The following PPP2R1A variants were observed in gnomAD, a reference collection of about 807,000 sequenced individuals.
The protein encoded by PPP2R1A is protein phosphatase 2 scaffold subunit Aalpha, also known as serine/threonine-protein phosphatase 2A 65 kDa regulatory subunit A alpha isoform.
PPP2R1A carries 15 observed loss-of-function variants against 67.1 expected under a neutral mutation model. The observed-to-expected ratio is 0.22, with a 90% CI of 0.15 to 0.34. PPP2R1A has a LOEUF of 0.34. PPP2R1A is among the 10% of genes least tolerant of loss of function. PPP2R1A has a pLI of 1.00. For synonymous variants in PPP2R1A, 337 were observed against 325.0 expected, an observed-to-expected ratio of 1.04 and a Z score of -0.40; for missense variants, 369 against 775.0, an observed-to-expected ratio of 0.48 and a Z score of 6.22.
At chr19:52,193,177 T>A (rs2089469881) in intron 1 of PPP2R1A, among the ~76,000 whole-genome samples, 1 of 152,140 alleles carries the variant, frequency 6.6e-6, no homozygotes, top group South Asian at 2.1e-4. Flanking sequence ...ATAAATAACA[T>A]GGCCAAAGCT....
rs370080794 is a variant in PPP2R1A, at chr19:52,213,342, G to A, written c.807+232G>A. On this transcript the variant is annotated intron_variant, in intron 6 of 14. Transcript: ENST00000322088. This position sits in a 1 kb window ranked among gnomAD's most constrained non-coding sequence, Gnocchi z 4.2. ...GATTCTGAGGCAAAGTTAAGGCTAC[G>A]TGGAGGAAAGTGCCACAGGAGCAGA... Among the ~76,000 whole-genome samples the A allele has an allele frequency of 6.6e-6, 1 of 151,962 alleles. No homozygotes were observed. The highest frequency in any genetic ancestry group is 2.4e-5 in the African/African-American group (1 of 41,352).
chr19:52,220,084 T>C (rs746086905), intron 10 of PPP2R1A, 105 bp from the exon 11 acceptor site: 20 of 1,341,932 alleles, frequency 1.5e-5, no homozygotes, highest in Non-Finnish European at 2.0e-5. Context: ...TTGAGAAGTG[T>C]CCGGTCTTTC....
Position 52,228,101 on chromosome 19 carries a change from C to CT in PPP2R1A, c.*2121dup, listed in dbSNP as rs1166330171. The CT allele has an allele frequency of 1.3e-5, 2 of 152,176 alleles. No individual in the cohort carries two copies. Among genetic ancestry groups the CT allele is most frequent in the African/African-American group, 4.8e-5 (2 of 41,412 alleles). 9.4% of individuals were successfully genotyped at this position (152,176 alleles called of 1,614,324 possible). A position where few individuals can be genotyped will look rare whatever the true frequency, so the allele number is the denominator to read the frequency against. ...ACGTGGGTCTAGGGCTGAGGATGTGCTATGGCTCAGAGGTGGGGTCTACAA... is the reference window on the plus strand; with the variant it reads ...ACGTGGGTCTAGGGCTGAGGATGTGCTTATGGCTCAGAGGTGGGGTCTACAA... On this transcript the variant is annotated 3_prime_UTR_variant, in exon 15 of 15. Transcript: ENST00000322088.
chr19:52,228,382 G>A lies in PPP2R1A; in HGVS notation c.*2401G>A, dbSNP rs1421947411. On this transcript the variant is annotated 3_prime_UTR_variant, in exon 15 of 15. Transcript: ENST00000322088. The stretch of plus-strand genomic sequence containing the variant: ...TCTTGGGTCATGTGCTCTAGAAGCA[G>A]AGCCCGAGTGGAGACTCGTTCAAGT... 1 of 152,248 alleles carries A rather than the reference G, an allele frequency of 6.6e-6. No individual in the cohort carries two copies. The highest frequency in any genetic ancestry group is 6.5e-5 in the Admixed American group (1 of 15,288). 9.4% of individuals were successfully genotyped at this position (152,248 alleles called of 1,614,324 possible).
chr19:52,226,149 C>T lies in PPP2R1A; in HGVS notation c.*168C>T. On this transcript the variant is annotated 3_prime_UTR_variant, in exon 15 of 15. Coordinates refer to ENST00000322088, the MANE Select transcript of PPP2R1A (RefSeq NM_014225.6). ...TCCTCTCCCCAGCCTGGGAAGATGT[C>T]TCACTGTCCACCTCCCAACGGGCTA... The T allele has an allele frequency of 1.9e-6, 2 of 1,052,944 alleles. No individual in the cohort carries two copies. Among genetic ancestry groups the T allele is most frequent in the South Asian group, 1.5e-5 (1 of 66,518 alleles). The allele number at this position is 1,052,944 out of a possible 1,614,324, so 65.2% of individuals were successfully genotyped here. A position where few individuals can be genotyped will look rare whatever the true frequency, so the allele number is the denominator to read the frequency against.
At chr19:52,204,099 T>C (rs942508073) in intron 2 of PPP2R1A, among the ~76,000 whole-genome samples, 4 of 152,234 alleles carry the variant, frequency 2.6e-5, no homozygotes, top group African/African-American at 9.6e-5. Flanking sequence ...GCACCAGCCA[T>C]GTGGAACTCT....
rs1488792128 is a variant in PPP2R1A at position 52,216,760 on chromosome 19, A to T, written c.1128+97A>T. ...ACCTAGATTGACCAGGAATCTGCTG[A>T]TATCTCAACAGACATCCAGATCTTT... On this transcript the variant is annotated intron_variant, in intron 9 of 14. Coordinates refer to ENST00000322088, the MANE Select transcript of PPP2R1A (RefSeq NM_014225.6). This position sits in a 1 kb window ranked among gnomAD's most constrained non-coding sequence, Gnocchi z 4.3. 10 of 1,547,722 alleles carry T rather than the reference A, an allele frequency of 6.5e-6. No homozygotes were observed. The highest frequency in any genetic ancestry group is 1.7e-5 in the Admixed American group (1 of 57,804).
At position 52,210,075 on chromosome 19, in the gene PPP2R1A, G is replaced by A. The variant is rs144022400; in HGVS notation, c.271-1185G>A. 1.2e-3 allele frequency among the ~76,000 whole-genome samples: 176 copies of A among 152,240 alleles called. 2 individuals are homozygous for A. Among genetic ancestry groups the A allele is most frequent in the African/African-American group, 4.1e-3 (172 of 41,540 alleles). ...CATTCTGTTACTTGACTGAGCCCTGGAGGCATTTCCATTTATGATTTTTTT... is the reference window on the plus strand; with the variant it reads ...CATTCTGTTACTTGACTGAGCCCTGAAGGCATTTCCATTTATGATTTTTTT... On this transcript the variant is annotated intron_variant, in intron 3 of 14. Transcript: ENST00000322088.
intron 12 of PPP2R1A, 117 bp downstream of exon 12, chr19:52,221,250 G>A (rs1978908093): frequency 7.1e-7 from 1 of 1,417,720 alleles, no homozygotes; most frequent in East Asian, 2.3e-5. Context: ...GACATGGAGT[G>A]CATCTTCTAT....
intron 3 of PPP2R1A, among the ~76,000 whole-genome samples, chr19:52,210,540 T>G (rs1568592555): frequency 1.3e-5 from 2 of 150,062 alleles, no homozygotes; most frequent in Non-Finnish European, 3.0e-5. Context: ...TTGCCCAGGC[T>G]GGAGTGCAGT....
chr19:52,203,779 C>T (rs529049696), intron 2 of PPP2R1A, among the ~76,000 whole-genome samples: 45 of 152,316 alleles, frequency 3.0e-4, no homozygotes, highest in Admixed American at 1.9e-3. Context: ...GACCACCAGT[C>T]GCTGGTCCTG....
In PPP2R1A at chr19:52,213,029, C is replaced by T. The variant is rs2089687356; in HGVS notation, c.726C>T (p.Ala242=). 1 of 1,611,994 alleles carries T rather than the reference C, an allele frequency of 6.2e-7. No individual in the cohort carries two copies. The highest frequency in any genetic ancestry group is 8.5e-7 in the Non-Finnish European group (1 of 1,179,560). Residue 242 remains alanine, a synonymous_variant, in exon 6 of 15, where the codon GCC becomes GCT. Transcript: ENST00000322088. The surrounding 1 kb of genome is among the most constrained non-coding windows in gnomAD (Gnocchi z 4.2). ...TTCTGCCCCAGGAGGATCTGGAGGC[C>T]CTGGTGATGCCCACTCTGCGCCAGG... The part of the protein sequence containing the change: ...AQLLPQEDLE[A]LVMPTLRQAA...
chr19:52,229,348 G>A lies in PPP2R1A; in HGVS notation c.*3367G>A, dbSNP rs144925750. 7,170 of 152,374 alleles carry A rather than the reference G, an allele frequency of 0.047. 242 individuals are homozygous for A. Among genetic ancestry groups the A allele is most frequent in the African/African-American group, 0.09 (3,725 of 41,520 alleles). 9.4% of individuals were successfully genotyped at this position (152,374 alleles called of 1,614,324 possible). The stretch of plus-strand genomic sequence containing the variant: ...TAATCCCAGCTACTCAGGAGGCTGA[G>A]GCGGGAGGATTGCTTGAACCTGGGA... On this transcript the variant is annotated 3_prime_UTR_variant, in exon 15 of 15. Coordinates refer to ENST00000322088, the MANE Select transcript of PPP2R1A (RefSeq NM_014225.6).
intron 13 of PPP2R1A, among the ~76,000 whole-genome samples, chr19:52,222,882 A>T (rs1190738061): frequency 6.6e-6 from 1 of 152,220 alleles, no homozygotes; most frequent in African/African-American, 2.4e-5. Flanking sequence ...CTCAAAAAAA[A>T]TTAAAGCAGA....
At chr19:52,204,923 G>C (rs2089587277) in intron 2 of PPP2R1A, among the ~76,000 whole-genome samples, 1 of 152,212 alleles carries the variant, frequency 6.6e-6, no homozygotes, top group African/African-American at 2.4e-5. Context: ...GAGAGATGAA[G>C]TGAGCTGCTG....
chr19:52,227,246 C>T lies in PPP2R1A; in HGVS notation c.*1265C>T, dbSNP rs962609145. Reference sequence around the variant, plus strand: ...TAAGGGGGAAGGCGTCATCCCCCACCTTTCCTCCTTCCTGCACTCTGGAAT... The same window carrying T: ...TAAGGGGGAAGGCGTCATCCCCCACTTTTCCTCCTTCCTGCACTCTGGAAT... On this transcript the variant is annotated 3_prime_UTR_variant, in exon 15 of 15. Transcript: ENST00000322088. 1.3e-5 allele frequency: 2 copies of T among 152,166 alleles called. No individual in the cohort carries two copies. The highest frequency in any genetic ancestry group is 2.9e-5 in the Non-Finnish European group (2 of 68,044). The allele number at this position is 152,166 out of a possible 1,614,324, so 9.4% of individuals were successfully genotyped here.
chr19:52,220,285 G>A, intron 11 of PPP2R1A, 36 bp downstream of exon 11: 1 of 1,604,798 alleles, frequency 6.2e-7, no homozygotes, highest in South Asian at 1.1e-5. Flanking sequence ...GAGGAGATGG[G>A]AGCTCCAGAA....
At chr19:52,203,736 G>A (rs953751058) in intron 2 of PPP2R1A, among the ~76,000 whole-genome samples, 1 of 152,242 alleles carries the variant, frequency 6.6e-6, no homozygotes, top group East Asian at 1.9e-4. Flanking sequence ...CCCACAGATT[G>A]ATAGCTCAGT....
rs759504081 is a variant in PPP2R1A at position 52,211,508 on chromosome 19, C to T, written c.503+16C>T. ...AACTTCGACAGTGAGTCTCTGCCTC[C>T]TTGGAAGCTCCAAGCTCCCATCTCA... On this transcript the variant is annotated intron_variant, in intron 4 of 14. Transcript: ENST00000322088. This position sits in a 1 kb window ranked among gnomAD's most constrained non-coding sequence, Gnocchi z 5.3. The T allele has an allele frequency of 3.8e-6, 6 of 1,593,390 alleles. No individual in the cohort carries two copies. The highest frequency in any genetic ancestry group is 4.5e-5 in the East Asian group (2 of 44,586).
Sources: allele counts gnomAD v4.1 joint callset (sites outside exome capture counted in the v4.1 genomes callset), GRCh38; gene constraint gnomAD v4.1.1; non-coding constraint Gnocchi (gnomAD v3.1); transcripts MANE v1.5; gene names NCBI Gene and HGNC (gene_info 2026-07-23, HGNC 2026-07-21).